The following TTLL11 variants were observed in gnomAD, a reference collection of about 807,000 sequenced individuals.
TTLL11 encodes the protein tubulin tyrosine ligase like 11.
TTLL11 carries 42 observed loss-of-function variants against 51.7 expected under a neutral mutation model. The observed-to-expected ratio is 0.81, with a 90% CI of 0.64 to 1.05. The LOEUF (loss-of-function observed/expected upper bound fraction) is 1.05, where lower values mean the gene tolerates loss of function less well. Among genes scored for constraint, TTLL11 ranks in the 50% least tolerant of loss-of-function variants. The probability of loss-of-function intolerance (pLI) is 0.00; values close to 1 mark genes in which losing one functional copy is unlikely to be tolerated. For missense variants in TTLL11, 799 were observed against 940.4 expected, an observed-to-expected ratio of 0.85 and a Z score of 1.97; for synonymous variants, 381 against 383.5, an observed-to-expected ratio of 0.99 and a Z score of 0.08.
At chr9:121,961,182 A>ACTG (rs1842206786) in intron 6 of TTLL11, among the ~76,000 whole-genome samples, 1 of 152,106 alleles carries the variant, frequency 6.6e-6, no homozygotes, top group African/African-American at 2.4e-5. Context: ...TGAACCTGGC[A>ACTG]CTGCTGTAGC....
At chr9:122,027,310 A>T (rs1485871214) in intron 3 of TTLL11, among the ~76,000 whole-genome samples, 2 of 152,190 alleles carry the variant, frequency 1.3e-5, no homozygotes, top group Non-Finnish European at 2.9e-5. Flanking sequence ...TCAACATGAG[A>T]TTTGGTGGGG....
intron 6 of TTLL11, among the ~76,000 whole-genome samples, chr9:121,880,144 C>T (rs1838731058): frequency 6.6e-6 from 1 of 152,146 alleles, no homozygotes. Context: ...CCCTTTAAAG[C>T]TACTGAATAG....
chr9:122,039,493 T>A, intron 1 of TTLL11, 125 bp from the exon 2 acceptor site: 2 of 651,672 alleles, frequency 3.1e-6, no homozygotes, highest in Admixed American at 2.8e-5. Context: ...ATAATACGCA[T>A]ATGAGGTAAG....
intron 1 of TTLL11, among the ~76,000 whole-genome samples, chr9:122,041,431 T>C (rs1315280903): frequency 6.6e-6 from 1 of 152,210 alleles, no homozygotes; most frequent in Non-Finnish European, 1.5e-5. Context: ...CTAGCCAGAA[T>C]AGGCAAGAGA....
At chr9:121,939,876 T>C (rs1841377844) in intron 6 of TTLL11, among the ~76,000 whole-genome samples, 1 of 151,902 alleles carries the variant, frequency 6.6e-6, no homozygotes. Flanking sequence ...CAGCTGCTTG[T>C]ATGCATTCGC....
intron 6 of TTLL11, among the ~76,000 whole-genome samples, chr9:121,899,365 G>GTATATATATACATATATATATA (rs1554766916): frequency 1.8e-5 from 2 of 113,240 alleles, no homozygotes; most frequent in Non-Finnish European, 3.6e-5. Context: ...ATGTGTGTGT[G>GTATATATATACATATATATATA]TATATATATA....
chr9:122,000,911 A>T (rs1457116065), intron 3 of TTLL11, among the ~76,000 whole-genome samples: 1 of 152,238 alleles, frequency 6.6e-6, no homozygotes, highest in African/African-American at 2.4e-5. Context: ...TGTTATTAAC[A>T]GTAATACATA....
chr9:121,896,356 C>A (rs995315686), intron 6 of TTLL11, among the ~76,000 whole-genome samples: 10 of 152,246 alleles, frequency 6.6e-5, no homozygotes, highest in South Asian at 4.1e-4. Flanking sequence ...AGGAACCCAC[C>A]CCTCAGCCCT....
intron 3 of TTLL11, among the ~76,000 whole-genome samples, chr9:121,996,450 TACAC>T (rs748023154): frequency 6.6e-6 from 1 of 151,566 alleles, no homozygotes; most frequent in Non-Finnish European, 1.5e-5. Context: ...GAATCATCAC[TACAC>T]ACACACACAG....
chr9:121,858,941 C>T (rs1215558518), intron 8 of TTLL11, among the ~76,000 whole-genome samples: 1 of 152,234 alleles, frequency 6.6e-6, no homozygotes, highest in Non-Finnish European at 1.5e-5. Flanking sequence ...GACCCGGTGC[C>T]TCCCTTCTGT....
chr9:121,973,214 CTGAGTGGG>C (rs1842618395), intron 6 of TTLL11, among the ~76,000 whole-genome samples: 1 of 152,196 alleles, frequency 6.6e-6, no homozygotes, highest in Non-Finnish European at 1.5e-5. Context: ...TAATGTACCA[CTGAGTGGG>C]TGGGGACGAA....
chr9:121,889,563 C>G (rs1044294775), intron 6 of TTLL11, among the ~76,000 whole-genome samples: 1 of 152,126 alleles, frequency 6.6e-6, no homozygotes, highest in African/African-American at 2.4e-5. Flanking sequence ...AACCACCACT[C>G]TACTTTCTGA....
intron 4 of TTLL11, among the ~76,000 whole-genome samples, chr9:121,978,877 A>G (rs922159320): frequency 4.6e-5 from 7 of 152,216 alleles, no homozygotes; most frequent in East Asian, 1.9e-4. Context: ...AGAGTCCACA[A>G]ATTCAGCGTA....
At chr9:121,945,530 C>T (rs530933648) in intron 6 of TTLL11, among the ~76,000 whole-genome samples, 33 of 152,304 alleles carry the variant, frequency 2.2e-4, no homozygotes, top group Middle Eastern at 3.4e-3. Context: ...ACGAGGTCCT[C>T]CTCTCTGCCC....
At chr9:121,873,761 TG>T (rs1838453713) in intron 6 of TTLL11, among the ~76,000 whole-genome samples, 1 of 150,782 alleles carries the variant, frequency 6.6e-6, no homozygotes. Context: ...CCTAGGTACC[TG>T]GGCTCAAACA....
intron 6 of TTLL11, among the ~76,000 whole-genome samples, chr9:121,885,886 T>C (rs1038082520): frequency 1.3e-5 from 2 of 152,114 alleles, no homozygotes; most frequent in African/African-American, 4.8e-5. Flanking sequence ...AGTTCACCAC[T>C]CCTGCCTAGT....
intron 1 of TTLL11, among the ~76,000 whole-genome samples, chr9:122,081,749 A>C (rs1846008857): frequency 6.6e-6 from 1 of 152,226 alleles, no homozygotes; most frequent in African/African-American, 2.4e-5. Context: ...TTTAATTGTA[A>C]TGTGGATCAT....
At chr9:121,988,267 T>C (rs1190670575) in intron 4 of TTLL11, among the ~76,000 whole-genome samples, 8 of 152,166 alleles carry the variant, frequency 5.3e-5, no homozygotes, top group African/African-American at 1.9e-4. Context: ...TCCAGCCTTG[T>C]CTCAGTGTGT....
intron 1 of TTLL11, among the ~76,000 whole-genome samples, chr9:122,083,999 G>A (rs371721946): frequency 2.8e-4 from 42 of 152,118 alleles, no homozygotes; most frequent in African/African-American, 9.2e-4. Context: ...GAATTGGAAC[G>A]AAGTTATTTA....
Sources: gnomAD v4.1 joint callset for allele counts (sites outside exome capture counted in the v4.1 genomes callset) on GRCh38, gnomAD v4.1.1 for gene constraint, MANE v1.5 for transcripts, NCBI Gene and HGNC (gene_info 2026-07-23, HGNC 2026-07-21) for gene names.